Variants in CAPN13 observed in about 807,000 individuals in gnomAD.
CAPN13 encodes calpain 13.
A neutral mutation model predicts 98.4 loss-of-function variants in CAPN13; 90 were observed. The observed-to-expected ratio is 0.92, with a 90% CI of 0.77 to 1.09. The LOEUF (loss-of-function observed/expected upper bound fraction) is 1.09. CAPN13 is among the 50% of genes least tolerant of loss of function. The probability of loss-of-function intolerance (pLI) is 0.00; values close to 1 mark genes in which losing one functional copy is unlikely to be tolerated. For missense variants in CAPN13, 887 were observed against 841.3 expected (o/e 1.05, Z -0.67); for synonymous variants, 330 against 305.5 (o/e 1.08, Z -0.84).
At chr2:30,758,948 T>C (rs1672639735) in intron 7 of CAPN13, among the ~76,000 whole-genome samples, 1 of 132,410 alleles carries the variant, frequency 7.6e-6, no homozygotes, top group Non-Finnish European at 1.6e-5. Context: ...CTCCCTCCCT[T>C]TCTTCCCTCC....
intron 7 of CAPN13, among the ~76,000 whole-genome samples, chr2:30,762,696 C>T (rs1183716649): frequency 6.6e-6 from 1 of 152,218 alleles, no homozygotes; most frequent in Admixed American, 6.5e-5. Flanking sequence ...TTTGGAGTGT[C>T]TTTGTTACAA....
intron 9 of CAPN13, 65 bp from the exon 10 acceptor site, chr2:30,753,263 T>C (rs1362892487): frequency 1.3e-6 from 2 of 1,554,738 alleles, no homozygotes; most frequent in South Asian, 1.2e-5. Flanking sequence ...GGGGTTCCTA[T>C]GACTTCACAG....
chr2:30,798,473 G>A (rs555991539), intron 1 of CAPN13, among the ~76,000 whole-genome samples: 66 of 152,316 alleles, frequency 4.3e-4, no homozygotes, highest in African/African-American at 1.5e-3. Flanking sequence ...CTTTCTGCCA[G>A]TGATGAAACC....
chr2:30,749,240 A>G (rs1672060418), intron 11 of CAPN13, among the ~76,000 whole-genome samples: 2 of 152,236 alleles, frequency 1.3e-5, no homozygotes, highest in Admixed American at 6.5e-5. Context: ...ATGATACTCA[A>G]AGGAAATGCT....
intron 19 of CAPN13, among the ~76,000 whole-genome samples, chr2:30,732,985 C>G (rs1671181087): frequency 1.3e-5 from 2 of 152,218 alleles, no homozygotes; most frequent in Admixed American, 1.3e-4. Flanking sequence ...GGAGTGGCCC[C>G]TGGCAGAAGG....
Position 30,745,650 on chromosome 2 carries a change from C to T in CAPN13, c.1248+73G>A, listed in dbSNP as rs375976353. On this transcript the variant is annotated intron_variant, in intron 12 of 22. Coordinates refer to ENST00000295055, the MANE Select transcript of CAPN13 (RefSeq NM_144575.3). Reference sequence around the variant, plus strand: ...CCACTGAACACGTGGAGGCCATGGGCGTTGGAAGTGGCCTAACACTCCACC... The same window carrying T: ...CCACTGAACACGTGGAGGCCATGGGTGTTGGAAGTGGCCTAACACTCCACC... 72 of 1,509,364 alleles carry T rather than the reference C, an allele frequency of 4.8e-5. 1 individual carries two copies. The African/African-American group carries it at 7.0e-4, about 15-fold the overall frequency. 93.5% of individuals were successfully genotyped at this position (1,509,364 alleles called of 1,614,324 possible).
intron 1 of CAPN13, among the ~76,000 whole-genome samples, chr2:30,803,829 G>A (rs1675439299): frequency 6.6e-6 from 1 of 152,164 alleles, no homozygotes; most frequent in South Asian, 2.1e-4. Context: ...CTTTCAACAT[G>A]AGTATCATGG....
At chr2:30,728,604 A>G (rs1670943956) in intron 22 of CAPN13, among the ~76,000 whole-genome samples, 1 of 152,124 alleles carries the variant, frequency 6.6e-6, no homozygotes, top group South Asian at 2.1e-4. Context: ...AAGAGGGACA[A>G]GTTGTGGTTA....
At chr2:30,801,392 G>A (rs1455122624) in intron 1 of CAPN13, among the ~76,000 whole-genome samples, 1 of 151,802 alleles carries the variant, frequency 6.6e-6, no homozygotes, top group Non-Finnish European at 1.5e-5. Context: ...GAGGCGGGTG[G>A]ATCACGAGGT....
At chr2:30,747,287 C>A (rs1233103326) in intron 11 of CAPN13, among the ~76,000 whole-genome samples, 1 of 151,448 alleles carries the variant, frequency 6.6e-6, no homozygotes, top group Middle Eastern at 3.2e-3. Flanking sequence ...TGAGGCTCAG[C>A]AGTTTAAGTA....
In CAPN13 at chr2:30,725,148, T is replaced by C. The variant is rs1670814772; in HGVS notation, c.*31-1912A>G. On this transcript the variant is annotated intron_variant, in intron 22 of 22. Coordinates refer to ENST00000295055, the MANE Select transcript of CAPN13 (RefSeq NM_144575.3). ...TGTGATTTGCCGTGTATTAAACCTC[T>C]AGACTCTGAAATCAATTAAAATCAA... is the stretch of plus-strand genomic sequence containing the variant. Among the ~76,000 whole-genome samples the C allele has an allele frequency of 2.0e-5, 3 of 152,326 alleles. No homozygotes were observed. In the South Asian group the frequency reaches 6.2e-4, roughly 32 times the overall value.
In CAPN13 at chr2:30,749,313, G is replaced by A. The variant is rs373542034; in HGVS notation, c.1236+1790C>T. Among the ~76,000 whole-genome samples, 12 of 152,176 alleles carry A rather than the reference G, an allele frequency of 7.9e-5. No homozygotes were observed. The East Asian group carries it at 1.3e-3, about 17-fold the overall frequency. Reference sequence around the variant, plus strand: ...GATGCTGAATCAGTAAGTATATAATGCAAAAATCCTCCAAATCTCAAATGC... The same window carrying A: ...GATGCTGAATCAGTAAGTATATAATACAAAAATCCTCCAAATCTCAAATGC... On this transcript the variant is annotated intron_variant, in intron 11 of 22. Coordinates refer to ENST00000295055, the MANE Select transcript of CAPN13 (RefSeq NM_144575.3).
chr2:30,753,028 G>A, intron 10 of CAPN13, 25 bp downstream of exon 10: 3 of 1,612,636 alleles, frequency 1.9e-6, no homozygotes, highest in Non-Finnish European at 2.5e-6. Flanking sequence ...CAGTTGGGCA[G>A]TGTGACCACC....
chr2:30,770,596 G>T, intron 4 of CAPN13, 147 bp from the exon 5 acceptor site: 1 of 933,436 alleles, frequency 1.1e-6, no homozygotes, highest in Non-Finnish European at 1.6e-6. Flanking sequence ...AGGTTGCCAG[G>T]CAGGAGACAG....
intron 7 of CAPN13, among the ~76,000 whole-genome samples, chr2:30,758,858 CTCCA>C (rs1171845478): frequency 1.5e-5 from 2 of 137,918 alleles, no homozygotes; most frequent in Non-Finnish European, 3.1e-5. Context: ...TTCTCCCTCC[CTCCA>C]TCCTTCAGTC....
intron 19 of CAPN13, among the ~76,000 whole-genome samples, chr2:30,733,309 G>A (rs1404996909): frequency 6.5e-5 from 9 of 139,114 alleles, no homozygotes; most frequent in South Asian, 4.5e-4. Flanking sequence ...ACATGAACTC[G>A]AATGCCTTTA....
At position 30,753,902 on chromosome 2, in the gene CAPN13, C is replaced by T. The variant is rs117422103; in HGVS notation, c.941+388G>A. ...CACCCAGAGCTATAGAGTCTGCATC[C>T]TGCTGCTGTTTTTGACGTCATGCTA... On this transcript the variant is annotated intron_variant, in intron 9 of 22. Transcript: ENST00000295055. Among the ~76,000 whole-genome samples, 10 of 152,236 alleles carry T rather than the reference C, an allele frequency of 6.6e-5. No homozygotes were observed. The East Asian group carries it at 1.9e-3, about 29-fold the overall frequency.
At chr2:30,736,428 G>T in intron 18 of CAPN13, 75 bp downstream of exon 18, 3 of 1,383,926 alleles carry the variant, frequency 2.2e-6, no homozygotes, top group South Asian at 1.2e-5. Flanking sequence ...GAACCCTGGT[G>T]CAGGGTTAGA....
At chr2:30,746,269 T>A (rs535805689) in intron 11 of CAPN13, among the ~76,000 whole-genome samples, 74 of 152,316 alleles carry the variant, frequency 4.9e-4, no homozygotes, top group Middle Eastern at 3.4e-3. Flanking sequence ...GAAATTTTTC[T>A]TATTAGAAAC....
Sources: allele counts gnomAD v4.1 joint callset (sites outside exome capture counted in the v4.1 genomes callset), GRCh38; gene constraint gnomAD v4.1.1; transcripts MANE v1.5; gene names NCBI Gene and HGNC (gene_info 2026-07-23, HGNC 2026-07-21).